Variants in LIMS1 observed in about 807,000 individuals in gnomAD.
The protein encoded by LIMS1 is LIM and senescent cell antigen-like-containing domain protein 1.
Under a neutral mutation model 44.1 loss-of-function variants are expected in LIMS1, and 18 were observed. The observed-to-expected ratio is 0.41, with a 90% CI of 0.28 to 0.61. The LOEUF is 0.61. LIMS1 is among the 20% of genes least tolerant of loss of function. LIMS1 has a pLI of 0.32. For missense variants in LIMS1, 201 were observed against 422.0 expected (o/e 0.48, Z 4.59); for synonymous variants, 93 against 149.1 (o/e 0.62, Z 2.74).
chr2:108,614,040 C>CTAGGT (rs1170917104), intron 1 of LIMS1, among the ~76,000 whole-genome samples: 3 of 152,166 alleles, frequency 2.0e-5, no homozygotes, highest in Non-Finnish European at 4.4e-5. Flanking sequence ...AGACCCCAGC[C>CTAGGT]TAGGTTAGAC....
intron 1 of LIMS1, among the ~76,000 whole-genome samples, chr2:108,556,925 A>G (rs1684942044): frequency 6.6e-6 from 1 of 152,244 alleles, no homozygotes; most frequent in South Asian, 2.1e-4. Flanking sequence ...CAAAGGCTGT[A>G]GAAGCTCAGG....
chr2:108,547,211 G>A (rs1256147205), intron 1 of LIMS1, among the ~76,000 whole-genome samples: 1 of 152,224 alleles, frequency 6.6e-6, no homozygotes, highest in Non-Finnish European at 1.5e-5. Context: ...AATAGGCCAA[G>A]TCCTGTTGTG....
At chr2:108,569,143 A>T (rs1685395182) in intron 1 of LIMS1, among the ~76,000 whole-genome samples, 1 of 151,884 alleles carries the variant, frequency 6.6e-6, no homozygotes, top group African/African-American at 2.4e-5. Flanking sequence ...TGCCTACCTC[A>T]TCCTCCCAAA....
At chr2:108,665,066 A>G (rs1443140883) in intron 2 of LIMS1, among the ~76,000 whole-genome samples, 1 of 152,230 alleles carries the variant, frequency 6.6e-6, no homozygotes, top group Non-Finnish European at 1.5e-5. Context: ...TCCCTGCCTT[A>G]TGTATTTTCT....
intron 1 of LIMS1, among the ~76,000 whole-genome samples, chr2:108,551,616 A>ATGTATATATG (rs1265754161): frequency 1.4e-5 from 2 of 139,646 alleles, no homozygotes; most frequent in South Asian, 2.1e-4. Context: ...ATGTATATAT[A>ATGTATATATG]TGTATATATG....
chr2:108,570,910 A>G (rs1685459312), intron 1 of LIMS1, among the ~76,000 whole-genome samples: 1 of 152,224 alleles, frequency 6.6e-6, no homozygotes, highest in Non-Finnish European at 1.5e-5. Context: ...GGAGCTCTTA[A>G]TAGCTAACTG....
At chr2:108,675,809 G>A in intron 5 of LIMS1, 69 bp from the exon 6 acceptor site, 1 of 1,586,872 alleles carries the variant, frequency 6.3e-7, no homozygotes, top group Non-Finnish European at 8.7e-7. Context: ...CTTCTAAAAA[G>A]TGTGCTAGCC....
intron 1 of LIMS1, chr2:108,588,281 A>C (rs79633370): frequency 2.5e-5 from 22 of 871,772 alleles, no homozygotes; most frequent in Non-Finnish European, 2.9e-5. Flanking sequence ...AAAAAAAAAA[A>C]CCCTGAACTT....
At chr2:108,551,293 A>G (rs1332718333) in intron 1 of LIMS1, among the ~76,000 whole-genome samples, 1 of 147,468 alleles carries the variant, frequency 6.8e-6, no homozygotes, top group Non-Finnish European at 1.5e-5. Flanking sequence ...CACTCATACT[A>G]TATATATATA....
chr2:108,572,174 A>G (rs1055559917), intron 1 of LIMS1, among the ~76,000 whole-genome samples: 2 of 151,974 alleles, frequency 1.3e-5, no homozygotes, highest in East Asian at 1.9e-4. Flanking sequence ...TTTATATCCT[A>G]ATCCTGACTT....
chr2:108,594,408 GCTTT>G (rs901064614), intron 1 of LIMS1, among the ~76,000 whole-genome samples: 1 of 152,184 alleles, frequency 6.6e-6, no homozygotes, highest in Non-Finnish European at 1.5e-5. Context: ...CGCTTAAAAT[GCTTT>G]CTTTGTGTTC....
chr2:108,568,725 GT>G (rs1239661740), intron 1 of LIMS1, among the ~76,000 whole-genome samples: 1 of 152,198 alleles, frequency 6.6e-6, no homozygotes, highest in Non-Finnish European at 1.5e-5. Flanking sequence ...AGTAGCCATT[GT>G]AATGGGTGTG....
intron 1 of LIMS1, among the ~76,000 whole-genome samples, chr2:108,551,484 C>CGT (rs1684694879): frequency 1.0e-5 from 1 of 96,786 alleles, no homozygotes; most frequent in South Asian, 4.0e-4. Context: ...CATATATGCG[C>CGT]GCGCGCGCAC....
At chr2:108,647,992 G>A (rs1690189828) in intron 1 of LIMS1, among the ~76,000 whole-genome samples, 1 of 152,078 alleles carries the variant, frequency 6.6e-6, no homozygotes, top group African/African-American at 2.4e-5. Flanking sequence ...AATAAATAAA[G>A]GGTATTCAGT....
At chr2:108,625,422 C>G (rs981005422) in intron 1 of LIMS1, among the ~76,000 whole-genome samples, 1 of 152,114 alleles carries the variant, frequency 6.6e-6, no homozygotes, top group Non-Finnish European at 1.5e-5. Context: ...CTGGGCTGAC[C>G]CCTGGTCTAG....
At position 108,643,980 on chromosome 2, in the gene LIMS1, T is replaced by C. The variant is rs1469778159; in HGVS notation, c.33-15625T>C. Among the ~76,000 whole-genome samples the C allele has an allele frequency of 2.6e-5, 4 of 152,266 alleles. No individual in the cohort carries two copies. In the South Asian group the frequency reaches 8.3e-4, roughly 32 times the overall value. On this transcript the variant is annotated intron_variant, in intron 1 of 9. Transcript: ENST00000544547. Reference sequence around the variant, plus strand: ...CTGCCTCTCTAGATTCCCTCCTCTCTGGGTAGGGCATCTCTGAAAAAAAGG... The same window carrying C: ...CTGCCTCTCTAGATTCCCTCCTCTCCGGGTAGGGCATCTCTGAAAAAAAGG...
At chr2:108,678,444 T>A in intron 8 of LIMS1, 2 of 216,926 alleles carry the variant, frequency 9.2e-6, no homozygotes, top group South Asian at 1.4e-4. Context: ...CTTACCACCC[T>A]TGTACTGTGG....
At chr2:108,578,628 C>G (rs1326952931) in intron 1 of LIMS1, among the ~76,000 whole-genome samples, 1 of 136,144 alleles carries the variant, frequency 7.3e-6, no homozygotes, top group Non-Finnish European at 1.5e-5. Context: ...GAGTCTCTCA[C>G]TGTGGCCCAG....
intron 1 of LIMS1, among the ~76,000 whole-genome samples, chr2:108,597,470 C>T (rs558649140): frequency 6.6e-6 from 1 of 152,218 alleles, no homozygotes; most frequent in East Asian, 1.9e-4. Context: ...GCAACAAATA[C>T]ACTAGCAGTC....
Sources: allele counts gnomAD v4.1 joint callset (sites outside exome capture counted in the v4.1 genomes callset), GRCh38; gene constraint gnomAD v4.1.1; transcripts MANE v1.5; gene names NCBI Gene and HGNC (gene_info 2026-07-23, HGNC 2026-07-21).